GARIN1B: variants seen among roughly 807,000 people sequenced by gnomAD.
GARIN1B encodes Golgi-associated RAB2 interactor protein 1B.
chr7:128,726,858 C>T, the GARIN1B span: 8 of 1,613,934 alleles, frequency 5.0e-6, no homozygotes, highest in South Asian at 4.4e-5. Flanking sequence ...TGGAGACCAA[C>T]AAGAACAGCT....
chr7:128,727,769 T>C, the GARIN1B span, among the ~76,000 whole-genome samples: 1 of 152,026 alleles, frequency 6.6e-6, no homozygotes. Context: ...GATGCTTCAC[T>C]CTAAATCCTC....
At chr7:128,726,773 A>G in the GARIN1B span, 1 of 1,593,892 alleles carries the variant, frequency 6.3e-7, no homozygotes. Flanking sequence ...TACAAATTTA[A>G]TGTTCTTTTC....
chr7:128,731,517 C>T, the GARIN1B span: 109 of 267,088 alleles, frequency 4.1e-4, 1 homozygote, highest in South Asian at 6.2e-3. Flanking sequence ...ACTTGGTAGA[C>T]GAGATAAGGA....
the GARIN1B span, among the ~76,000 whole-genome samples, chr7:128,712,773 T>C: frequency 4.7e-4 from 72 of 152,370 alleles, 1 homozygote; most frequent in South Asian, 0.015. Context: ...TCTCAAGTTA[T>C]TGGAACCTAC....
At chr7:128,718,501 C>T in the GARIN1B span, among the ~76,000 whole-genome samples, 1 of 151,726 alleles carries the variant, frequency 6.6e-6, no homozygotes, top group Admixed American at 6.6e-5. Context: ...TATGACTAGC[C>T]ACCTTACCTC....
the GARIN1B span, among the ~76,000 whole-genome samples, chr7:128,719,460 C>T: frequency 1.3e-5 from 2 of 151,994 alleles, no homozygotes; most frequent in Admixed American, 6.6e-5. Context: ...AATACCCCCT[C>T]GCCCATTTGC....
At chr7:128,718,840 A>G in the GARIN1B span, 1 of 1,613,768 alleles carries the variant, frequency 6.2e-7, no homozygotes, top group African/African-American at 1.3e-5. Flanking sequence ...GGATTCTCCC[A>G]TTGAGGTTTG....
the GARIN1B span, chr7:128,714,037 G>T: frequency 3.3e-6 from 5 of 1,535,104 alleles, no homozygotes; most frequent in African/African-American, 2.7e-5. Flanking sequence ...AGAAAAGTGA[G>T]GTTGGAAGTT....
chr7:128,722,632 C>A, the GARIN1B span, among the ~76,000 whole-genome samples: 1 of 151,876 alleles, frequency 6.6e-6, no homozygotes, highest in Non-Finnish European at 1.5e-5. Flanking sequence ...GGTGAAACCC[C>A]GTCTCTACTA....
chr7:128,716,804 G>A, the GARIN1B span: 9 of 1,599,506 alleles, frequency 5.6e-6, no homozygotes, highest in Non-Finnish European at 7.7e-6. Flanking sequence ...CCTGGGGGCT[G>A]TGTTGCAGGT....
At chr7:128,716,750 T>C in the GARIN1B span, 1 of 1,428,316 alleles carries the variant, frequency 7.0e-7, no homozygotes, top group Non-Finnish European at 9.5e-7. Context: ...TGAGAAACCC[T>C]GGGCTGAAAC....
the GARIN1B span, chr7:128,717,114 T>G: frequency 1.0e-6 from 1 of 960,022 alleles, no homozygotes. Flanking sequence ...GTGACATTGA[T>G]TTTTTTAGAC....
chr7:128,716,345 T>C, the GARIN1B span, among the ~76,000 whole-genome samples: 1 of 151,956 alleles, frequency 6.6e-6, no homozygotes, highest in Non-Finnish European at 1.5e-5. Context: ...CAGGAGATAA[T>C]AGGGCACCTC....
the GARIN1B span, among the ~76,000 whole-genome samples, chr7:128,720,642 T>C: frequency 6.6e-6 from 1 of 152,242 alleles, no homozygotes; most frequent in East Asian, 1.9e-4. Flanking sequence ...TATTTATGTA[T>C]GGAATGAGGT....
At chr7:128,720,083 T>A in the GARIN1B span, among the ~76,000 whole-genome samples, 1 of 152,208 alleles carries the variant, frequency 6.6e-6, no homozygotes, top group Non-Finnish European at 1.5e-5. Flanking sequence ...CTTCATCTGA[T>A]AGATGATTTC....
chr7:128,710,878 G>A, the GARIN1B span, among the ~76,000 whole-genome samples: 1 of 151,842 alleles, frequency 6.6e-6, no homozygotes, highest in African/African-American at 2.4e-5. Flanking sequence ...GGCTGGTCTC[G>A]AACTCCCAAC....
the GARIN1B span, among the ~76,000 whole-genome samples, chr7:128,723,958 TAA>T: frequency 6.6e-6 from 1 of 152,246 alleles, no homozygotes; most frequent in East Asian, 1.9e-4. Context: ...ACAATGAGGA[TAA>T]GTTAGGTATA....
the GARIN1B span, chr7:128,718,909 G>T: frequency 6.2e-7 from 1 of 1,614,028 alleles, no homozygotes; most frequent in East Asian, 2.2e-5. Flanking sequence ...CAGTCACTGA[G>T]AAGATTTATT....
chr7:128,715,261 G>C, the GARIN1B span: 1 of 1,429,538 alleles, frequency 7.0e-7, no homozygotes. Flanking sequence ...GCTCTCTGGA[G>C]GAAAAGGGAG....
Sources: gnomAD v4.1 joint callset for allele counts (sites outside exome capture counted in the v4.1 genomes callset) on GRCh38, gnomAD v4.1.1 for gene constraint, MANE v1.5 for transcripts, NCBI Gene and HGNC (gene_info 2026-07-23, HGNC 2026-07-21) for gene names.